TRANK1: variants seen among roughly 807,000 people sequenced by gnomAD.
TRANK1 encodes the protein tetratricopeptide repeat and ankyrin repeat containing 1.
In TRANK1, 198 loss-of-function variants were observed where a neutral mutation model predicts 266.0. That is an observed-to-expected ratio of 0.74 (90% CI 0.66 to 0.84). The LOEUF (loss-of-function observed/expected upper bound fraction) is 0.84. TRANK1 is among the 40% of genes least tolerant of loss of function. The pLI is 0.00. For synonymous variants in TRANK1, 1,396 were observed against 1,384.1 expected, an observed-to-expected ratio of 1.01 and a Z score of -0.19; for missense variants, 3,326 against 3,634.6, an observed-to-expected ratio of 0.92 and a Z score of 2.18.
intron 15 of TRANK1, chr3:36,850,338 T>C: frequency 1.0e-6 from 1 of 985,406 alleles, no homozygotes; most frequent in Non-Finnish European, 1.2e-6. Flanking sequence ...TTGTGGAAGG[T>C]TCTGGAATTC....
chr3:36,829,185 A>G (rs553464786), intron 23 of TRANK1, among the ~76,000 whole-genome samples: 3 of 152,222 alleles, frequency 2.0e-5, no homozygotes, highest in Admixed American at 1.3e-4. Flanking sequence ...TAGAACCTCA[A>G]TAACTATCCA....
chr3:36,871,706 C>T (rs2079312684), intron 9 of TRANK1, among the ~76,000 whole-genome samples: 1 of 152,114 alleles, frequency 6.6e-6, no homozygotes, highest in South Asian at 2.1e-4. Context: ...GGGCTCTACC[C>T]CTCTCTCCTT....
Position 36,832,682 on chromosome 3 carries a change from G to C in TRANK1, c.6901C>G (p.Arg2301Gly). The C allele has an allele frequency of 6.2e-7, 1 of 1,613,994 alleles. No individual in the cohort carries two copies. Among genetic ancestry groups the C allele is most frequent in the South Asian group, 1.1e-5 (1 of 91,086 alleles). The change falls in exon 22 of 24, where the codon CGG becomes GGG. Residue 2301 changes from arginine (R) to glycine (G), a missense_variant. Coordinates refer to ENST00000645898, the MANE Select transcript of TRANK1 (RefSeq NM_001329998.2). The stretch of plus-strand genomic sequence containing the variant: ...TCCTTCAAAGCAAATCTGTAGAACC[G>C]GAAGGATTTGTAATTTGGTTTGAGG... ...EILKPNYKSF[R>G]FYRFALKEYI... is the part of the protein sequence containing the mutation.
chr3:36,913,796 C>G (rs1016033025), intron 1 of TRANK1, among the ~76,000 whole-genome samples: 1 of 152,022 alleles, frequency 6.6e-6, no homozygotes, highest in Non-Finnish European at 1.5e-5. Context: ...AGGACAAGAC[C>G]GGAACACCTT....
intron 15 of TRANK1, among the ~76,000 whole-genome samples, chr3:36,849,198 T>C (rs1323956723): frequency 2.0e-5 from 3 of 152,130 alleles, no homozygotes; most frequent in Non-Finnish European, 4.4e-5. Flanking sequence ...ATAAAGGTTG[T>C]AGTTTTCACA....
At chr3:36,900,684 TG>T (rs1202121189) in intron 3 of TRANK1, among the ~76,000 whole-genome samples, 1 of 151,538 alleles carries the variant, frequency 6.6e-6, no homozygotes, top group South Asian at 2.1e-4. Flanking sequence ...AAGACCAGCC[TG>T]GGCAACATAG....
intron 8 of TRANK1, among the ~76,000 whole-genome samples, chr3:36,886,904 ATTT>A (rs11445289): frequency 2.6e-5 from 3 of 117,624 alleles, no homozygotes; most frequent in Non-Finnish European, 1.7e-5. Context: ...TTTTTGTTGG[ATTT>A]TTTTTTTTTT....
At chr3:36,849,224 C>T (rs998969905) in intron 15 of TRANK1, among the ~76,000 whole-genome samples, 1 of 152,134 alleles carries the variant, frequency 6.6e-6, no homozygotes, top group Admixed American at 6.5e-5. Context: ...TTCTGTCCCA[C>T]CGCCATGAGT....
intron 13 of TRANK1, among the ~76,000 whole-genome samples, chr3:36,853,128 G>T (rs557809663): frequency 1.3e-5 from 2 of 152,144 alleles, no homozygotes; most frequent in East Asian, 1.9e-4. Context: ...CATACAGCAG[G>T]CACCTTCAAA....
chr3:36,842,688 A>G lies in TRANK1; in HGVS notation c.5214T>C (p.Val1738=). The change falls in exon 18 of 24, where the codon GTT becomes GTC. Residue 1738 remains valine (V), a synonymous_variant. Transcript: ENST00000645898. The part of the protein sequence containing the change: ...ENKDFDDSMF[V]KTSTPAEWIA... ...TCCACTCCGCAGGAGTTGAGGTCTT[A>G]ACGAACATGCTATCATCAAAGTCTA... The G allele has an allele frequency of 6.2e-7, 1 of 1,613,930 alleles. No individual in the cohort carries two copies. Among genetic ancestry groups the G allele is most frequent in the Non-Finnish European group, 8.5e-7 (1 of 1,179,866 alleles).
chr3:36,876,691 G>A lies in TRANK1; in HGVS notation c.908-2395C>T, dbSNP rs566523282. 5.9e-5 allele frequency among the ~76,000 whole-genome samples: 9 copies of A among 152,310 alleles called. No homozygotes were observed. In the South Asian group the frequency reaches 1.9e-3, roughly 32 times the overall value. ...AACATATCAAACTTGATTTTCATTA[G>A]AACATAGTTATTTCTTCACACAACG... On this transcript the variant is annotated intron_variant, in intron 8 of 23. Coordinates refer to ENST00000645898, the MANE Select transcript of TRANK1 (RefSeq NM_001329998.2).
chr3:36,833,611 C>T lies in TRANK1; in HGVS notation c.5972G>A (p.Cys1991Tyr). 6.2e-7 allele frequency: 1 copy of T among 1,613,920 alleles called. No homozygotes were observed. The highest frequency in any genetic ancestry group is 8.5e-7 in the Non-Finnish European group (1 of 1,179,852). The change falls in exon 22 of 24, where the codon TGT (cysteine) becomes TAT (tyrosine). Residue 1991 changes from cysteine (C) to tyrosine (Y), a missense_variant. Cys to Tyr is a radical substitution (Grantham distance 194, BLOSUM62 -2). Coordinates refer to ENST00000645898, the MANE Select transcript of TRANK1 (RefSeq NM_001329998.2). ...ATTGAGGCGGGCGGCCCCCAGCAGACATGAGGCCTGGAAGTCCTTGTCGGC... is the reference window on the plus strand; with the variant it reads ...ATTGAGGCGGGCGGCCCCCAGCAGATATGAGGCCTGGAAGTCCTTGTCGGC... ...LTADKDFQASCLLGAARLNVA... is the reference protein window; with the variant it reads ...LTADKDFQASYLLGAARLNVA...
intron 4 of TRANK1, among the ~76,000 whole-genome samples, chr3:36,896,501 G>A (rs1263058415): frequency 3.9e-5 from 6 of 152,158 alleles, no homozygotes; most frequent in African/African-American, 1.4e-4. Flanking sequence ...ACTGGGCGAC[G>A]CCAATTTCTT....
intron 1 of TRANK1, among the ~76,000 whole-genome samples, chr3:36,912,271 C>T (rs867863296): frequency 6.6e-6 from 1 of 152,078 alleles, no homozygotes; most frequent in African/African-American, 2.4e-5. Context: ...ACAGGTTAAG[C>T]CACTTACCAC....
intron 8 of TRANK1, among the ~76,000 whole-genome samples, chr3:36,878,306 C>T (rs1414971178): frequency 6.6e-6 from 1 of 152,184 alleles, no homozygotes; most frequent in East Asian, 1.9e-4. Context: ...CCCAACTATA[C>T]CCCACCATCT....
rs369027127 is a variant in TRANK1 at position 36,867,197 on chromosome 3, C to CA, written c.1079-2718dup. 3.7e-3 allele frequency among the ~76,000 whole-genome samples: 521 copies of CA among 141,044 alleles called. 3 individuals are homozygous for CA. Among genetic ancestry groups the CA allele is most frequent in the African/African-American group, 8.5e-3 (327 of 38,614 alleles). 92.5% of individuals were successfully genotyped at this position (141,044 alleles called of 152,430 possible). A position where few individuals can be genotyped will look rare whatever the true frequency, so the allele number is the denominator to read the frequency against. The stretch of plus-strand genomic sequence containing the variant: ...CAAAAAAGGATGAAAACTCACAGTA[C>CA]AAAAAAAAAAATAGGACCTTTGGTA... On this transcript the variant is annotated intron_variant, in intron 9 of 23. Transcript: ENST00000645898.
chr3:36,847,615 A>T (rs1412990652), intron 15 of TRANK1, among the ~76,000 whole-genome samples: 1 of 152,186 alleles, frequency 6.6e-6, no homozygotes, highest in Non-Finnish European at 1.5e-5. Context: ...GAAGAATGCT[A>T]AGGGCTCAGG....
intron 3 of TRANK1, among the ~76,000 whole-genome samples, chr3:36,902,207 G>C (rs959808828): frequency 2.0e-5 from 3 of 152,296 alleles, no homozygotes; most frequent in African/African-American, 7.2e-5. Flanking sequence ...CTGGGCCAGG[G>C]GTTGGACGAG....
intron 1 of TRANK1, among the ~76,000 whole-genome samples, chr3:36,924,784 A>G (rs2080265150): frequency 6.6e-6 from 1 of 152,192 alleles, no homozygotes; most frequent in Non-Finnish European, 1.5e-5. Flanking sequence ...TAAATGAAAA[A>G]AAGTCCCACA....
Sources: gnomAD v4.1 joint callset for allele counts (sites outside exome capture counted in the v4.1 genomes callset) on GRCh38, gnomAD v4.1.1 for gene constraint, MANE v1.5 for transcripts, NCBI Gene and HGNC (gene_info 2026-07-23, HGNC 2026-07-21) for gene names.